KCNH1: variants seen among roughly 807,000 people sequenced by gnomAD.
The protein encoded by KCNH1 is voltage-gated delayed rectifier potassium channel KCNH1.
In KCNH1, 27 loss-of-function variants were observed where a neutral mutation model predicts 69.2. The ratio of observed to expected loss-of-function variants is 0.39; its 90% CI spans 0.29 to 0.54. KCNH1 has a LOEUF of 0.54. Ranked by LOEUF, KCNH1 falls within the 20% of genes least tolerant of loss-of-function variation. The pLI is 0.68. For missense variants in KCNH1, 798 were observed against 1,261.6 expected, an observed-to-expected ratio of 0.63 and a Z score of 5.57; for synonymous variants, 456 against 487.7, an observed-to-expected ratio of 0.93 and a Z score of 0.86.
intron 6 of KCNH1, among the ~76,000 whole-genome samples, chr1:211,002,813 G>A (rs1006761834): frequency 2.0e-5 from 3 of 152,160 alleles, no homozygotes; most frequent in Admixed American, 6.5e-5. Context: ...CAGACTGTAA[G>A]ATAGACACAG....
intron 5 of KCNH1, among the ~76,000 whole-genome samples, chr1:211,022,920 T>G (rs1689612949): frequency 6.6e-6 from 1 of 151,934 alleles, no homozygotes. Flanking sequence ...GAGACCAGCC[T>G]GGCCAACATG....
rs908972291 is a variant in KCNH1, at chr1:210,832,156, C to T, written c.1463-27990G>A. On this transcript the variant is annotated intron_variant, in intron 7 of 10. Coordinates refer to ENST00000271751, the MANE Select transcript of KCNH1 (RefSeq NM_172362.3). The stretch of plus-strand genomic sequence containing the variant: ...AAAGTCTTCTAGAATCTTCTCCATG[C>T]AATCAGTTCCTCTCTGAATATGTCC... Among the ~76,000 whole-genome samples, 3 of 152,250 alleles carry T rather than the reference C, an allele frequency of 2.0e-5. No homozygotes were observed. The East Asian group carries it at 5.8e-4, about 29-fold the overall frequency.
intron 7 of KCNH1, among the ~76,000 whole-genome samples, chr1:210,810,627 A>T (rs1684683743): frequency 1.3e-5 from 2 of 151,840 alleles, no homozygotes; most frequent in South Asian, 4.2e-4. Context: ...TTTTCATTTG[A>T]TATTATACTT....
chr1:210,892,997 C>T (rs780981614), intron 7 of KCNH1, among the ~76,000 whole-genome samples: 8 of 152,118 alleles, frequency 5.3e-5, no homozygotes, highest in Non-Finnish European at 1.0e-4. Flanking sequence ...GATACTGATT[C>T]CATTCTAAGG....
At chr1:210,963,500 G>A (rs138980554) in intron 6 of KCNH1, among the ~76,000 whole-genome samples, 1,740 of 152,148 alleles carry the variant, frequency 0.011, 61 homozygotes, top group Admixed American at 0.073. Context: ...TGAGCTAAAG[G>A]AGCATATTCT....
At chr1:210,903,450 G>A (rs757979627) in intron 7 of KCNH1, among the ~76,000 whole-genome samples, 3 of 152,120 alleles carry the variant, frequency 2.0e-5, no homozygotes, top group South Asian at 2.1e-4. Context: ...GTCATTAAAA[G>A]TATTCCTACC....
At chr1:211,066,411 C>A (rs1280430540) in intron 5 of KCNH1, among the ~76,000 whole-genome samples, 1 of 152,050 alleles carries the variant, frequency 6.6e-6, no homozygotes, top group Non-Finnish European at 1.5e-5. Context: ...CAAGTCTAAA[C>A]AAAAAATTCA....
chr1:210,884,952 C>T (rs1003986614), intron 7 of KCNH1, among the ~76,000 whole-genome samples: 5 of 152,338 alleles, frequency 3.3e-5, no homozygotes, highest in African/African-American at 1.2e-4. Flanking sequence ...CTGAAGTTCA[C>T]TTACAGAGCC....
intron 6 of KCNH1, among the ~76,000 whole-genome samples, chr1:210,951,941 GC>G (rs1373518954): frequency 6.6e-6 from 1 of 152,022 alleles, no homozygotes; most frequent in African/African-American, 2.4e-5. Flanking sequence ...ATGCGTTTCA[GC>G]CCCCTCTGGC....
At chr1:210,796,296 T>C (rs1684313866) in intron 9 of KCNH1, among the ~76,000 whole-genome samples, 1 of 152,180 alleles carries the variant, frequency 6.6e-6, no homozygotes, top group South Asian at 2.1e-4. Flanking sequence ...CTTTGAACTT[T>C]AATTCTCTCA....
At chr1:211,075,863 G>A (rs540586105) in intron 5 of KCNH1, among the ~76,000 whole-genome samples, 5 of 152,322 alleles carry the variant, frequency 3.3e-5, no homozygotes, top group East Asian at 3.9e-4. Flanking sequence ...CTGGAAAAAC[G>A]GGATACTCCC....
At chr1:210,773,508 A>C (rs1049685452) in intron 10 of KCNH1, among the ~76,000 whole-genome samples, 4 of 152,190 alleles carry the variant, frequency 2.6e-5, no homozygotes, top group African/African-American at 9.7e-5. Context: ...AAACAGGTGG[A>C]GGAATATTGC....
chr1:211,031,130 CT>C, intron 5 of KCNH1, among the ~76,000 whole-genome samples: 1 of 152,074 alleles, frequency 6.6e-6, no homozygotes, highest in South Asian at 2.1e-4. Flanking sequence ...CACAAATAAA[CT>C]AGAAAATCTA....
chr1:210,815,552 A>G (rs1013030996), intron 7 of KCNH1, among the ~76,000 whole-genome samples: 1 of 152,160 alleles, frequency 6.6e-6, no homozygotes, highest in African/African-American at 2.4e-5. Flanking sequence ...CTTCTTACTT[A>G]GCCCTTTACA....
chr1:210,682,688 G>A lies in KCNH1; in HGVS notation c.*593C>T, dbSNP rs942889514. 9 of 153,028 alleles carry A rather than the reference G, an allele frequency of 5.9e-5. No homozygotes were observed. The highest frequency in any genetic ancestry group is 2.2e-4 in the African/African-American group (9 of 41,456). 9.5% of individuals were successfully genotyped at this position (153,028 alleles called of 1,614,324 possible). ...TCTATGGGAGGCATGCACCACACCT[G>A]CAGCTGCTTTTCTGGCCTTAACCAT... is the stretch of plus-strand genomic sequence containing the variant. On this transcript the variant is annotated 3_prime_UTR_variant, in exon 11 of 11. Coordinates refer to ENST00000271751, the MANE Select transcript of KCNH1 (RefSeq NM_172362.3).
chr1:211,034,553 C>T (rs1402237115), intron 5 of KCNH1, among the ~76,000 whole-genome samples: 1 of 152,126 alleles, frequency 6.6e-6, no homozygotes, highest in Non-Finnish European at 1.5e-5. Flanking sequence ...TATAGTTTTG[C>T]AGGCAATTAC....
chr1:211,117,593 A>G (rs1691604511), intron 1 of KCNH1, among the ~76,000 whole-genome samples: 1 of 152,104 alleles, frequency 6.6e-6, no homozygotes, highest in East Asian at 1.9e-4. Flanking sequence ...AACAATGAAA[A>G]CCAATAGAAG....
chr1:211,084,110 A>G lies in KCNH1; in HGVS notation c.440-1212T>C, dbSNP rs529279805. Among the ~76,000 whole-genome samples the G allele has an allele frequency of 2.9e-4, 44 of 152,310 alleles. No individual in the cohort carries two copies. The South Asian group carries it at 8.7e-3, about 30-fold the overall frequency. ...CTGGGGTTGGCTTGAAAAGATACACATAGTGGTTTCACTGTGGGGGGGTCC... is the reference window on the plus strand; with the variant it reads ...CTGGGGTTGGCTTGAAAAGATACACGTAGTGGTTTCACTGTGGGGGGGTCC... On this transcript the variant is annotated intron_variant, in intron 4 of 10. Coordinates refer to ENST00000271751, the MANE Select transcript of KCNH1 (RefSeq NM_172362.3).
intron 6 of KCNH1, among the ~76,000 whole-genome samples, chr1:210,982,229 TA>T (rs1688725221): frequency 1.3e-5 from 2 of 151,596 alleles, no homozygotes; most frequent in Non-Finnish European, 2.9e-5. Context: ...CTTTTATTAT[TA>T]TTATTATTAT....
Sources: gnomAD v4.1 joint callset for allele counts (sites outside exome capture counted in the v4.1 genomes callset) on GRCh38, gnomAD v4.1.1 for gene constraint, MANE v1.5 for transcripts, NCBI Gene and HGNC (gene_info 2026-07-23, HGNC 2026-07-21) for gene names.